The following MUSK variants were observed in gnomAD, a reference collection of about 807,000 sequenced individuals.
MUSK encodes the protein muscle, skeletal receptor tyrosine-protein kinase.
Under a neutral mutation model 88.7 loss-of-function variants are expected in MUSK, and 55 were observed. The ratio of observed to expected loss-of-function variants is 0.62; its 90% confidence interval spans 0.50 to 0.78. MUSK has a LOEUF of 0.78. Among genes scored for constraint, MUSK ranks in the 30% least tolerant of loss-of-function variants. The probability of loss-of-function intolerance (pLI) is 0.00; values close to 1 mark genes in which losing one functional copy is unlikely to be tolerated. For missense variants in MUSK, 1,015 were observed against 1,074.3 expected (o/e 0.94, Z 0.77); for synonymous variants, 387 against 391.9 (o/e 0.99, Z 0.15).
intron 5 of MUSK, among the ~76,000 whole-genome samples, chr9:110,709,334 G>A (rs1336324172): frequency 2.0e-5 from 3 of 152,100 alleles, no homozygotes; most frequent in Non-Finnish European, 4.4e-5. Flanking sequence ...TAATAACATG[G>A]GTGGTAGGAT....
At chr9:110,789,670 T>C (rs2132040483) in intron 14 of MUSK, among the ~76,000 whole-genome samples, 1 of 152,174 alleles carries the variant, frequency 6.6e-6, no homozygotes, top group Admixed American at 6.5e-5. Context: ...TCCCAGCTGC[T>C]TGAGAGGCTG....
rs2076120870 is a variant in MUSK at position 110,681,094 on chromosome 9, T to TA, written c.80-1580_80-1579insA. 6.2e-4 allele frequency among the ~76,000 whole-genome samples: 10 copies of TA among 16,010 alleles called. 1 individual carries two copies. Among genetic ancestry groups the TA allele is most frequent in the African/African-American group, 4.0e-3 (9 of 2,278 alleles). The allele number at this position is 16,010 out of a possible 152,430, so 10.5% of individuals were successfully genotyped here. A position where few individuals can be genotyped will look rare whatever the true frequency, so the allele number is the denominator to read the frequency against. ...TATTATATATATTATATAATATATATTATATAATATATATTATATATAATA... is the reference window on the plus strand; with the variant it reads ...TATTATATATATTATATAATATATATATATATAATATATATTATATATAATA... On this transcript the variant is annotated intron_variant, in intron 1 of 14. Transcript: ENST00000374448.
intron 2 of MUSK, among the ~76,000 whole-genome samples, chr9:110,683,842 A>G (rs1357560460): frequency 6.6e-6 from 1 of 151,976 alleles, no homozygotes; most frequent in African/African-American, 2.4e-5. Flanking sequence ...ATTTTTTACT[A>G]TAGAGTTGTT....
At chr9:110,755,965 CATAT>C (rs370272693) in intron 7 of MUSK, among the ~76,000 whole-genome samples, 27 of 81,560 alleles carry the variant, frequency 3.3e-4, no homozygotes, top group African/African-American at 8.9e-4. Flanking sequence ...TATATATATA[CATAT>C]ATATATATAC....
chr9:110,769,867 T>C (rs569098084), intron 9 of MUSK, among the ~76,000 whole-genome samples: 1 of 152,208 alleles, frequency 6.6e-6, no homozygotes, highest in East Asian at 1.9e-4. Flanking sequence ...CTCAACACCA[T>C]GGATAGATGC....
Position 110,803,453 on chromosome 9 carries a change from C to T in MUSK, c.*2465C>T, listed in dbSNP as rs896523575. The stretch of plus-strand genomic sequence containing the variant: ...GCCCGAGTGCACACAGCAACAGAGC[C>T]TACTTTTTGACCAAAAGAGGCCGAA... On this transcript the variant is annotated 3_prime_UTR_variant, in exon 15 of 15. Transcript: ENST00000374448. Among the ~76,000 whole-genome samples the T allele has an allele frequency of 6.6e-6, 1 of 152,170 alleles. No homozygotes were observed. Among genetic ancestry groups the T allele is most frequent in the African/African-American group, 2.4e-5 (1 of 41,434 alleles).
intron 5 of MUSK, among the ~76,000 whole-genome samples, chr9:110,701,246 A>G (rs185669547): frequency 6.6e-6 from 1 of 152,302 alleles, no homozygotes; most frequent in Admixed American, 6.5e-5. Flanking sequence ...GCATCAATCC[A>G]CATGGTTGCA....
chr9:110,734,366 C>T lies in MUSK; in HGVS notation c.744C>T (p.Asn248=), dbSNP rs765006536. The T allele has an allele frequency of 2.4e-5, 38 of 1,613,030 alleles. No homozygotes were observed. Among genetic ancestry groups the T allele is most frequent in the South Asian group, 7.7e-5 (7 of 91,054 alleles). The part of the protein sequence containing the change: ...IPVPTITWIE[N]GNAVSSGSIQ... ...TCCCCACCATCACCTGGATTGAAAA[C>T]GGAAATGCTGTGAGTGTCATGTGTG... The change falls in exon 6 of 15, where the codon AAC becomes AAT. Residue 248 remains asparagine (N), a synonymous_variant. Transcript: ENST00000374448.
chr9:110,706,808 A>T (rs2076605215), intron 5 of MUSK, among the ~76,000 whole-genome samples: 1 of 152,170 alleles, frequency 6.6e-6, no homozygotes, highest in Non-Finnish European at 1.5e-5. Context: ...GTTAGAGACC[A>T]GCCTGGGCAA....
intron 14 of MUSK, 84 bp from the exon 15 acceptor site, chr9:110,800,222 G>T: frequency 1.6e-6 from 2 of 1,240,438 alleles, no homozygotes; most frequent in South Asian, 2.9e-5. Context: ...CATATGTTCT[G>T]ACATGGTCGT....
chr9:110,747,677 C>T lies in MUSK; in HGVS notation c.790C>T (p.Arg264Ter), dbSNP rs777482709. The T allele has an allele frequency of 8.7e-6, 14 of 1,613,516 alleles. No homozygotes were observed. The South Asian group carries it at 8.8e-5, about 10-fold the overall frequency. ...SGSIQESVKD[R>*]VIDSRLQLFI... ...GTCCATTCAAGAGAGTGTGAAAGACCGAGTGATTGACTCAAGACTGCAGCT... is the reference window on the plus strand; with the variant it reads ...GTCCATTCAAGAGAGTGTGAAAGACTGAGTGATTGACTCAAGACTGCAGCT... The change falls in exon 7 of 15, where the codon CGA becomes TGA. Residue 264 changes from arginine (R) to a stop codon, truncating the protein, a stop_gained. Transcript: ENST00000374448. LOFTEE classifies it high-confidence loss of function.
rs774332381 is a variant in MUSK, at chr9:110,775,768, T to C, written c.1185-20T>C. ...ACATGTAATGATTCATCAAGTTTTG[T>C]TCTCCATATACTATTTTAGAGAGTA... On this transcript the variant is annotated intron_variant, in intron 9 of 14. Transcript: ENST00000374448. 3 of 1,612,052 alleles carry C rather than the reference T, an allele frequency of 1.9e-6. No homozygotes were observed. Among genetic ancestry groups the C allele is most frequent in the Non-Finnish European group, 2.5e-6 (3 of 1,178,198 alleles).
chr9:110,696,193 C>T (rs771947811), intron 4 of MUSK, among the ~76,000 whole-genome samples: 2 of 151,890 alleles, frequency 1.3e-5, no homozygotes, highest in Non-Finnish European at 1.5e-5. Context: ...AGGAGAATAA[C>T]TTGAACCCGA....
intron 14 of MUSK, among the ~76,000 whole-genome samples, chr9:110,799,671 G>A (rs559195818): frequency 6.6e-6 from 1 of 152,284 alleles, no homozygotes; most frequent in East Asian, 1.9e-4. Flanking sequence ...GTAGGTGTGG[G>A]GAATTTTTAA....
intron 1 of MUSK, among the ~76,000 whole-genome samples, chr9:110,674,679 G>A (rs2076002466): frequency 6.6e-6 from 1 of 152,098 alleles, no homozygotes; most frequent in African/African-American, 2.4e-5. Flanking sequence ...TGCAATCACA[G>A]CTCACTGAAA....
chr9:110,799,155 C>T (rs898923475), intron 14 of MUSK, among the ~76,000 whole-genome samples: 1 of 152,032 alleles, frequency 6.6e-6, no homozygotes, highest in Non-Finnish European at 1.5e-5. Context: ...TAATTGAGGT[C>T]CTTGGAATTA....
intron 2 of MUSK, among the ~76,000 whole-genome samples, chr9:110,685,855 G>C (rs974327504): frequency 6.6e-6 from 1 of 152,000 alleles, no homozygotes; most frequent in Non-Finnish European, 1.5e-5. Flanking sequence ...GCTTTTTCTA[G>C]CATGCTTTTC....
At chr9:110,703,874 G>A (rs4978952) in intron 5 of MUSK, among the ~76,000 whole-genome samples, 12,489 of 152,184 alleles carry the variant, frequency 0.082, 1,079 homozygotes, top group East Asian at 0.44. Flanking sequence ...CTTCAAGTAC[G>A]TGAAGCATAC....
intron 7 of MUSK, among the ~76,000 whole-genome samples, chr9:110,754,101 CA>C (rs1471597332): frequency 6.6e-6 from 1 of 152,198 alleles, no homozygotes; most frequent in Non-Finnish European, 1.5e-5. Flanking sequence ...CCTGGCATTC[CA>C]TGCTGGCTTT....
Sources: gnomAD v4.1 joint callset for allele counts (sites outside exome capture counted in the v4.1 genomes callset) on GRCh38, gnomAD v4.1.1 for gene constraint, MANE v1.5 for transcripts, NCBI Gene and HGNC (gene_info 2026-07-23, HGNC 2026-07-21) for gene names.